MKI67: variants seen among roughly 807,000 people sequenced by gnomAD.
MKI67 encodes the protein proliferation marker protein Ki-67.
MKI67 carries 152 observed loss-of-function variants against 233.5 expected under a neutral mutation model. The observed-to-expected ratio is 0.65, with a 90% CI of 0.57 to 0.74. The LOEUF is 0.74. Among genes scored for constraint, MKI67 ranks in the 30% least tolerant of loss-of-function variants. The pLI, the probability that MKI67 is intolerant of heterozygous loss-of-function variation, is 0.00. For synonymous variants in MKI67, 1,465 were observed against 1,418.5 expected, an observed-to-expected ratio of 1.03 and a Z score of -0.74; for missense variants, 3,940 against 3,885.2, an observed-to-expected ratio of 1.01 and a Z score of -0.37.
At position 128,107,769 on chromosome 10, in the gene MKI67, A is replaced by C; in HGVS notation, c.4071T>G (p.Gly1357=). The change falls in exon 13 of 15, where the codon GGT becomes GGG. Residue 1357 remains glycine, a synonymous_variant. Coordinates refer to ENST00000368654, the MANE Select transcript of MKI67 (RefSeq NM_002417.5). ...CAGCAGCCACTGCTTCTTCAGTATG[A>C]CCAGGGGTCTGGAAGAGCTCTTTAA... is the stretch of plus-strand genomic sequence containing the variant. ...TGFKELFQTP[G]HTEEAVAAGK... 6.2e-7 allele frequency: 1 copy of C among 1,612,062 alleles called. No homozygotes were observed. The highest frequency in any genetic ancestry group is 1.1e-5 in the South Asian group (1 of 90,962).
In MKI67 at chr10:128,106,452, G is replaced by A; in HGVS notation, c.5388C>T (p.Asn1796=). The A allele has an allele frequency of 1.9e-6, 3 of 1,613,254 alleles. No individual in the cohort carries two copies. The highest frequency in any genetic ancestry group is 2.2e-5 in the South Asian group (2 of 91,040). The change falls in exon 13 of 15, where the codon AAC becomes AAT. Residue 1796 remains asparagine (N), a synonymous_variant. Transcript: ENST00000368654. ...TCTGCACTGGAGTTCCCAAAAACGT[G>A]TTGATGTCTTTCTCTTCACCTACTG... is the stretch of plus-strand genomic sequence containing the variant. ...KPAVGEEKDI[N]TFLGTPVQKL...
At chr10:128,099,849 G>A (rs1408289419) in intron 14 of MKI67, among the ~76,000 whole-genome samples, 1 of 152,194 alleles carries the variant, frequency 6.6e-6, no homozygotes, top group Non-Finnish European at 1.5e-5. Context: ...TGTGTGTTGG[G>A]CGTCTCCTGG....
At position 128,097,713 on chromosome 10, in the gene MKI67, CCT is replaced by C. The variant is rs1404228252; in HGVS notation, c.*1475_*1476del. The C allele has an allele frequency of 6.6e-6, 1 of 152,372 alleles. No individual in the cohort carries two copies. The highest frequency in any genetic ancestry group is 2.4e-5 in the African/African-American group (1 of 41,422). The allele number at this position is 152,372 out of a possible 1,614,324, so 9.4% of individuals were successfully genotyped here. ...AGCCACTCTTCCTTGAACACCCTCC[CCT>C]GTTCTGCCCTGGTGCAATCCCTGTA... On this transcript the variant is annotated 3_prime_UTR_variant, in exon 15 of 15. Coordinates refer to ENST00000368654, the MANE Select transcript of MKI67 (RefSeq NM_002417.5).
rs1170762923 is a variant in MKI67 at position 128,112,346 on chromosome 10, T to C, written c.1756A>G (p.Arg586Gly). 3.7e-6 allele frequency: 6 copies of C among 1,614,092 alleles called. No homozygotes were observed. Among genetic ancestry groups the C allele is most frequent in the Non-Finnish European group, 5.1e-6 (6 of 1,180,046 alleles). The change falls in exon 9 of 15, where the codon AGG (arginine) becomes GGG (glycine). Residue 586 changes from arginine (R) to glycine (G), a missense_variant. Arg to Gly is a moderately radical substitution (Grantham distance 125). Coordinates refer to ENST00000368654, the MANE Select transcript of MKI67 (RefSeq NM_002417.5). The stretch of plus-strand genomic sequence containing the variant: ...TGATCACTGGCAACTGGAGTTTTCC[T>C]AGGACTAGGAGCTGGAGGGCTTATA... ...LVISPPAPSP[R>G]KTPVASDQRR...
Position 128,125,749 on chromosome 10 carries a change from C to T in MKI67, c.-82G>A, listed in dbSNP as rs1321468319. On this transcript the variant is annotated 5_prime_UTR_variant, in exon 2 of 15. Coordinates refer to ENST00000368654, the MANE Select transcript of MKI67 (RefSeq NM_002417.5). The surrounding 1 kb of genome is among the most constrained non-coding windows in gnomAD (Gnocchi z 5.3). ...GGGAAGGCCAGAAGCAAATTTACAACTCTTCCACTGCAAAAGAGGTGCGAG... is the reference window on the plus strand; with the variant it reads ...GGGAAGGCCAGAAGCAAATTTACAATTCTTCCACTGCAAAAGAGGTGCGAG... 45 of 1,161,972 alleles carry T rather than the reference C, an allele frequency of 3.9e-5. No homozygotes were observed. The highest frequency in any genetic ancestry group is 3.6e-5 in the Non-Finnish European group (28 of 770,058). 72.0% of individuals were successfully genotyped at this position (1,161,972 alleles called of 1,614,324 possible).
In MKI67 at chr10:128,104,538, T is replaced by C; in HGVS notation, c.7302A>G (p.Leu2434=). The part of the protein sequence containing the change: ...PQTPKEKAEA[L]EDLVGFKELF... ...GTTCTTTGAAGCCAACCAGGTCCTC[T>C]AGAGCCTCAGCCTTTTCCTTAGGAG... The change falls in exon 13 of 15, where the codon CTA becomes CTG. Residue 2434 remains leucine, a synonymous_variant. Coordinates refer to ENST00000368654, the MANE Select transcript of MKI67 (RefSeq NM_002417.5). 6.2e-7 allele frequency: 1 copy of C among 1,614,210 alleles called. No individual in the cohort carries two copies. Among genetic ancestry groups the C allele is most frequent in the Non-Finnish European group, 8.5e-7 (1 of 1,180,042 alleles).
chr10:128,099,348 G>A lies in MKI67; in HGVS notation c.9706-93C>T, dbSNP rs191574339. 3,595 of 813,494 alleles carry A rather than the reference G, an allele frequency of 4.4e-3. 21 individuals are homozygous for A. The highest frequency in any genetic ancestry group is 3.5e-3 in the Non-Finnish European group (1,839 of 523,662). 50.4% of individuals were successfully genotyped at this position (813,494 alleles called of 1,614,324 possible). ...CTGCAAAACCCCAAAGGCTTACTAG[G>A]TATTATGCAGGTCCTTAGTTGCAGA... On this transcript the variant is annotated intron_variant, in intron 14 of 14. Coordinates refer to ENST00000368654, the MANE Select transcript of MKI67 (RefSeq NM_002417.5).
Position 128,109,064 on chromosome 10 carries a change from C to G in MKI67, c.2776G>C (p.Glu926Gln). ...TCCTTATATGTCTCAAAAGGTCTTT[C>G]TATTTCCTTCATCTCTCCTTCTCTC... Reference protein sequence around the residue: ...QRREGEMKEIERPFETYKENI... With the variant: ...QRREGEMKEIQRPFETYKENI... Residue 926 changes from glutamate to glutamine, a missense_variant, in exon 13 of 15, where the codon GAA becomes CAA. Physicochemically the swap from Glu to Gln is conservative, Grantham distance 29. Coordinates refer to ENST00000368654, the MANE Select transcript of MKI67 (RefSeq NM_002417.5). 1 of 1,614,160 alleles carries G rather than the reference C, an allele frequency of 6.2e-7. No homozygotes were observed. The highest frequency in any genetic ancestry group is 8.5e-7 in the Non-Finnish European group (1 of 1,180,016).
chr10:128,115,104 G>A lies in MKI67; in HGVS notation c.1304C>T (p.Thr435Met), dbSNP rs147894598. The change falls in exon 7 of 15, where the codon ACG becomes ATG. Residue 435 changes from threonine (T) to methionine (M), a missense_variant. Coordinates refer to ENST00000368654, the MANE Select transcript of MKI67 (RefSeq NM_002417.5). ...SIPTDVEVLP[T>M]ETEIHNEPFL... is the part of the protein sequence containing the mutation. ...TGGCTCATTGTGAATTTCAGTTTCC[G>A]TAGGCAGAACTTCCACATCTGTAGG... is the stretch of plus-strand genomic sequence containing the variant. The A allele has an allele frequency of 2.2e-4, 353 of 1,614,070 alleles. 2 individuals are homozygous for A. In the African/African-American group the frequency reaches 3.8e-3, roughly 18 times the overall value.
chr10:128,125,670 T>A lies in MKI67; in HGVS notation c.-3A>T, dbSNP rs370185580. The A allele has an allele frequency of 1.7e-4, 273 of 1,613,412 alleles. No homozygotes were observed. In the African/African-American group the frequency reaches 3.2e-3, roughly 19 times the overall value. ...ACCAGGCGTCTCGTGGGCCACATTT[T>A]CTAAACAGTAAGTTGAGTATAATCC... On this transcript the variant is annotated 5_prime_UTR_variant, in exon 2 of 15. Transcript: ENST00000368654. The surrounding 1 kb of genome is among the most constrained non-coding windows in gnomAD (Gnocchi z 5.3).
Position 128,105,839 on chromosome 10 carries a change from T to A in MKI67, c.6001A>T (p.Ile2001Leu), listed in dbSNP as rs765791587. ...TPTSSKQRLK[I>L]SLGKVGVKEE... The stretch of plus-strand genomic sequence containing the variant: ...TTCACACCTACTTTCCCCAAGGATA[T>A]CTTGAGTCGTTGCTTGGAGCTTGTT... The change falls in exon 13 of 15, where the codon ATA becomes TTA. Residue 2001 changes from isoleucine to leucine, a missense_variant. Transcript: ENST00000368654. 1 of 1,614,186 alleles carries A rather than the reference T, an allele frequency of 6.2e-7. No individual in the cohort carries two copies. Among genetic ancestry groups the A allele is most frequent in the South Asian group, 1.1e-5 (1 of 91,080 alleles).
chr10:128,105,858 G>C lies in MKI67; in HGVS notation c.5982C>G (p.Ser1994Arg). The change falls in exon 13 of 15, where the codon AGC (serine) becomes AGG (arginine). Residue 1994 changes from serine (S) to arginine (R), a missense_variant. Physicochemically the swap from Ser to Arg is moderately radical, Grantham distance 110 (BLOSUM62 -1). Coordinates refer to ENST00000368654, the MANE Select transcript of MKI67 (RefSeq NM_002417.5). Reference protein sequence around the residue: ...PQPDPVKTPTSSKQRLKISLG... With the variant: ...PQPDPVKTPTRSKQRLKISLG... ...AGGATATCTTGAGTCGTTGCTTGGA[G>C]CTTGTTGGGGTTTTGACTGGGTCTG... The C allele has an allele frequency of 6.2e-7, 1 of 1,614,134 alleles. No homozygotes were observed. The highest frequency in any genetic ancestry group is 8.5e-7 in the Non-Finnish European group (1 of 1,180,030).
chr10:128,107,319 G>C lies in MKI67; in HGVS notation c.4521C>G (p.Ser1507=), dbSNP rs369826355. 8 of 1,614,006 alleles carry C rather than the reference G, an allele frequency of 5.0e-6. No individual in the cohort carries two copies. The African/African-American group carries it at 9.3e-5, about 19-fold the overall frequency. Reference sequence around the variant, plus strand: ...TGAGACTTCTCTTGGACTGTGGCTTGGAGCTTGTTGGTGTGTCCACTGGGT... The same window carrying C: ...TGAGACTTCTCTTGGACTGTGGCTTCGAGCTTGTTGGTGTGTCCACTGGGT... ...QPDPVDTPTS[S]KPQSKRSLRK... is the part of the protein sequence containing the mutation. The change falls in exon 13 of 15, where the codon TCC becomes TCG. Residue 1507 remains serine, a synonymous_variant. Transcript: ENST00000368654.
rs1852459731 is a variant in MKI67 at position 128,105,414 on chromosome 10, C to T, written c.6426G>A (p.Gln2142=). The T allele has an allele frequency of 6.2e-7, 1 of 1,614,022 alleles. No individual in the cohort carries two copies. The highest frequency in any genetic ancestry group is 1.7e-5 in the Admixed American group (1 of 60,002). Residue 2142 remains glutamine (Q), a synonymous_variant, in exon 13 of 15, where the codon CAG becomes CAA. Coordinates refer to ENST00000368654, the MANE Select transcript of MKI67 (RefSeq NM_002417.5). ...CTGGTACTTTGTCTGTGTGTGTGGT[C>T]TGTGTGAGCTGCTTCAGGGCTGAGA... ...EELSALKQLT[Q]TTHTDKVPGD...
chr10:128,111,614 A>G, intron 11 of MKI67, 31 bp downstream of exon 11: 1 of 1,560,328 alleles, frequency 6.4e-7, no homozygotes, highest in Non-Finnish European at 8.7e-7. Context: ...TAGAGTCAAA[A>G]GATTTATAAG....
intron 8 of MKI67, among the ~76,000 whole-genome samples, chr10:128,112,649 A>AAC (rs1020215254): frequency 1.3e-5 from 2 of 152,222 alleles, no homozygotes; most frequent in African/African-American, 4.8e-5. Context: ...GCCAAGTCTG[A>AAC]AGTGAGGTCA....
intron 11 of MKI67, 109 bp downstream of exon 11, chr10:128,111,536 A>G: frequency 1.4e-6 from 1 of 719,048 alleles, no homozygotes; most frequent in Non-Finnish European, 2.1e-6. Context: ...TGAGTCGTTT[A>G]TTTTATAATC....
In MKI67 at chr10:128,104,140, G is replaced by A. The variant is rs1045524520; in HGVS notation, c.7700C>T (p.Ser2567Leu). ...TGACTCTTCAGTGTGACCTGGTGCT[G>A]AGAAGAGCTCTTTGAAGTCAACCAG... ...EDLVDFKELF[S>L]APGHTEESMT... Residue 2567 changes from serine (S) to leucine (L), a missense_variant, in exon 13 of 15, where the codon TCA becomes TTA. Physicochemically the swap from Ser to Leu is moderately radical, Grantham distance 145. Transcript: ENST00000368654. 17 of 1,613,498 alleles carry A rather than the reference G, an allele frequency of 1.1e-5. No homozygotes were observed. In the Admixed American group the frequency reaches 2.2e-4, roughly 21 times the overall value.
chr10:128,109,218 C>T lies in MKI67; in HGVS notation c.2622G>A (p.Arg874=), dbSNP rs142662676. Residue 874 remains arginine, a synonymous_variant, in exon 13 of 15, where the codon AGG becomes AGA. Transcript: ENST00000368654. ...TCCTGAACTCTGTAGACCTTCCTGACCTGTTTGCAGTGGATACTGTTTTTG... is the reference window on the plus strand; with the variant it reads ...TCCTGAACTCTGTAGACCTTCCTGATCTGTTTGCAGTGGATACTGTTTTTG... ...EPSKTVSTAN[R]SGRSTEFRNI... The T allele has an allele frequency of 1.1e-5, 18 of 1,614,038 alleles. No homozygotes were observed. The African/African-American group carries it at 1.3e-4, about 12-fold the overall frequency.
Sources: gnomAD v4.1 joint callset for allele counts (sites outside exome capture counted in the v4.1 genomes callset) on GRCh38, gnomAD v4.1.1 for gene constraint, Gnocchi (gnomAD v3.1) non-coding constraint, MANE v1.5 for transcripts, NCBI Gene and HGNC (gene_info 2026-07-23, HGNC 2026-07-21) for gene names.